GPC6: variants seen among roughly 807,000 people sequenced by gnomAD.
GPC6 encodes glypican 6.
GPC6 carries 14 observed loss-of-function variants against 55.2 expected under a neutral mutation model. The observed-to-expected ratio is 0.25, with a 90% CI of 0.17 to 0.40. The LOEUF (loss-of-function observed/expected upper bound fraction) is 0.40. Ranked by LOEUF, GPC6 falls within the 10% of genes least tolerant of loss-of-function variation. The pLI is 1.00. For synonymous variants in GPC6, 278 were observed against 259.6 expected (o/e 1.07, Z -0.68); for missense variants, 641 against 708.5 (o/e 0.90, Z 1.08).
chr13:93,667,735 G>GTTTTTTTTTTTTTTTTTTT (rs71126408), intron 2 of GPC6, among the ~76,000 whole-genome samples: 1 of 123,166 alleles, frequency 8.1e-6, no homozygotes, highest in African/African-American at 3.7e-5. Context: ...GCCAGGACTT[G>GTTTTTTTTTTTTTTTTTTT]TTTTTTTTTT....
intron 1 of GPC6, 87 bp from the exon 2 acceptor site, chr13:93,545,176 T>A: frequency 8.5e-7 from 1 of 1,171,424 alleles, no homozygotes; most frequent in Non-Finnish European, 1.3e-6. Context: ...CACCCTGAGA[T>A]TTGAGCAAAG....
intron 2 of GPC6, among the ~76,000 whole-genome samples, chr13:93,628,154 G>T (rs575333574): frequency 7.2e-5 from 11 of 152,310 alleles, no homozygotes; most frequent in African/African-American, 2.6e-4. Flanking sequence ...TTGATTGCAT[G>T]ATTGTATCAA....
In GPC6 at chr13:94,282,798, T is replaced by C. The variant is rs150634617; in HGVS notation, c.878-3551T>C. On this transcript the variant is annotated intron_variant, in intron 4 of 8. Coordinates refer to ENST00000377047, the MANE Select transcript of GPC6 (RefSeq NM_005708.5). ...GTAGATTCTTGTAAGAGACAGAAAGTGGTCTCTTAAATACTAGCTCTGGAA... is the reference window on the plus strand; with the variant it reads ...GTAGATTCTTGTAAGAGACAGAAAGCGGTCTCTTAAATACTAGCTCTGGAA... Among the ~76,000 whole-genome samples the C allele has an allele frequency of 2.1e-3, 321 of 152,328 alleles. 1 individual carries two copies. Among genetic ancestry groups the C allele is most frequent in the African/African-American group, 7.2e-3 (301 of 41,584 alleles).
chr13:93,363,524 C>T (rs1881127791), intron 1 of GPC6, among the ~76,000 whole-genome samples: 1 of 151,394 alleles, frequency 6.6e-6, no homozygotes, highest in Non-Finnish European at 1.5e-5. Flanking sequence ...TTTCTTAATC[C>T]AGTCTATCAT....
chr13:93,855,337 G>A (rs549817637), intron 3 of GPC6, among the ~76,000 whole-genome samples: 10 of 151,648 alleles, frequency 6.6e-5, no homozygotes, highest in South Asian at 4.2e-4. Context: ...AGGTTTCTCC[G>A]TGTCTCTTCA....
At chr13:93,742,607 G>A (rs1884246130) in intron 2 of GPC6, among the ~76,000 whole-genome samples, 1 of 152,190 alleles carries the variant, frequency 6.6e-6, no homozygotes, top group South Asian at 2.1e-4. Context: ...TGATTAATGT[G>A]GGGATATCAA....
chr13:93,237,070 T>A (rs58458903), intron 1 of GPC6, among the ~76,000 whole-genome samples: 6,357 of 152,274 alleles, frequency 0.042, 229 homozygotes, highest in Admixed American at 0.09. Context: ...TTCTCTTCCT[T>A]TGACTAGATA....
At chr13:93,884,064 A>G (rs144847941) in intron 3 of GPC6, among the ~76,000 whole-genome samples, 31 of 152,272 alleles carry the variant, frequency 2.0e-4, no homozygotes, top group African/African-American at 7.2e-4. Context: ...CATATGGCAC[A>G]TACTCAATAA....
chr13:93,977,868 A>G (rs990460894), intron 3 of GPC6, among the ~76,000 whole-genome samples: 8 of 152,178 alleles, frequency 5.3e-5, no homozygotes, highest in African/African-American at 1.9e-4. Context: ...CAAAATATAC[A>G]CAATTTACTA....
intron 4 of GPC6, among the ~76,000 whole-genome samples, chr13:94,159,752 G>T (rs1888088467): frequency 6.6e-6 from 1 of 152,174 alleles, no homozygotes. Flanking sequence ...CTAAGATAAG[G>T]TCTATGCTCA....
intron 2 of GPC6, among the ~76,000 whole-genome samples, chr13:93,678,132 A>G (rs1305457578): frequency 6.6e-6 from 1 of 152,076 alleles, no homozygotes; most frequent in Non-Finnish European, 1.5e-5. Flanking sequence ...GTGAAATTGT[A>G]TCTATATTGT....
At chr13:93,962,083 C>T (rs570774615) in intron 3 of GPC6, among the ~76,000 whole-genome samples, 2 of 152,218 alleles carry the variant, frequency 1.3e-5, no homozygotes, top group Admixed American at 6.5e-5. Context: ...GAAACAAGTT[C>T]AGGAAAGTTA....
intron 3 of GPC6, among the ~76,000 whole-genome samples, chr13:93,911,659 G>A (rs116917238): frequency 0.023 from 3,491 of 152,164 alleles, 51 homozygotes; most frequent in Non-Finnish European, 0.037. Context: ...TTCTAGATTC[G>A]GATCAAGATT....
rs74111532 is a variant in GPC6 at position 93,701,661 on chromosome 13, G to A, written c.320-128493G>A. On this transcript the variant is annotated intron_variant, in intron 2 of 8. Transcript: ENST00000377047. ...TACTCACAGAACTTCTTCAAACCCTGCCACCACTTTACAAAATAAGTTCAT... is the reference window on the plus strand; with the variant it reads ...TACTCACAGAACTTCTTCAAACCCTACCACCACTTTACAAAATAAGTTCAT... 2.9e-3 allele frequency among the ~76,000 whole-genome samples: 441 copies of A among 152,056 alleles called. 4 individuals carry two copies. Among genetic ancestry groups the A allele is most frequent in the African/African-American group, 9.8e-3 (407 of 41,498 alleles).
chr13:93,403,516 G>T (rs1241757196), intron 1 of GPC6, among the ~76,000 whole-genome samples: 1 of 152,162 alleles, frequency 6.6e-6, no homozygotes, highest in African/African-American at 2.4e-5. Context: ...GACTCATATA[G>T]AGATGTCCTC....
At chr13:93,354,977 G>A (rs943901234) in intron 1 of GPC6, among the ~76,000 whole-genome samples, 2 of 152,130 alleles carry the variant, frequency 1.3e-5, no homozygotes, top group African/African-American at 4.8e-5. Context: ...AATCTAAAAA[G>A]TAATTCTTGA....
At chr13:93,562,919 A>C (rs1322151215) in intron 2 of GPC6, among the ~76,000 whole-genome samples, 2 of 152,220 alleles carry the variant, frequency 1.3e-5, no homozygotes, top group African/African-American at 4.8e-5. Flanking sequence ...TATTACAGAC[A>C]GAAGTAGGAA....
intron 1 of GPC6, among the ~76,000 whole-genome samples, chr13:93,419,862 T>A (rs1876860968): frequency 6.6e-6 from 1 of 152,116 alleles, no homozygotes; most frequent in African/African-American, 2.4e-5. Context: ...ACAAGCAGAA[T>A]TGAAGCTATG....
At chr13:93,657,043 T>A (rs1880704193) in intron 2 of GPC6, among the ~76,000 whole-genome samples, 1 of 152,076 alleles carries the variant, frequency 6.6e-6, no homozygotes, top group Non-Finnish European at 1.5e-5. Flanking sequence ...AATGTACAGA[T>A]TCAATGTTAT....
Sources: allele counts gnomAD v4.1 joint callset (sites outside exome capture counted in the v4.1 genomes callset), GRCh38; gene constraint gnomAD v4.1.1; transcripts MANE v1.5; gene names NCBI Gene and HGNC (gene_info 2026-07-23, HGNC 2026-07-21).